Variants in ABLIM3 observed in about 807,000 individuals in gnomAD.
The protein encoded by ABLIM3 is actin-binding LIM protein 3.
In ABLIM3, 61 loss-of-function variants were observed where a neutral mutation model predicts 109.5. That is an observed-to-expected ratio of 0.56 (90% CI 0.45 to 0.69). ABLIM3 has a LOEUF of 0.69. ABLIM3 is among the 30% of genes least tolerant of loss of function. The pLI is 0.00. For missense variants in ABLIM3, 796 were observed against 889.5 expected, an observed-to-expected ratio of 0.89 and a Z score of 1.34; for synonymous variants, 300 against 324.8, an observed-to-expected ratio of 0.92 and a Z score of 0.82.
intron 2 of ABLIM3, among the ~76,000 whole-genome samples, chr5:149,167,414 G>C (rs570961072): frequency 1.8e-4 from 28 of 152,260 alleles, no homozygotes; most frequent in African/African-American, 6.5e-4. Context: ...TAAAACTTAA[G>C]AGTACAGAGG....
intron 2 of ABLIM3, among the ~76,000 whole-genome samples, chr5:149,175,684 T>C (rs1382444727): frequency 6.6e-6 from 1 of 152,112 alleles, no homozygotes; most frequent in African/African-American, 2.4e-5. Context: ...AGTTGAAATA[T>C]AAGAAATAAA....
At chr5:149,164,778 G>A (rs1163468480) in intron 2 of ABLIM3, among the ~76,000 whole-genome samples, 1 of 152,196 alleles carries the variant, frequency 6.6e-6, no homozygotes, top group Admixed American at 6.5e-5. Context: ...TTGCATATGA[G>A]ATAGGCCTTG....
At chr5:149,239,930 G>A (rs761905467) in intron 13 of ABLIM3, 42 bp downstream of exon 13, 2 of 1,569,464 alleles carry the variant, frequency 1.3e-6, no homozygotes, top group South Asian at 2.4e-5. Context: ...AAGAGCCAGG[G>A]AGACAATGCA....
chr5:149,183,409 G>A, intron 2 of ABLIM3, 43 bp from the exon 3 acceptor site: 1 of 1,471,038 alleles, frequency 6.8e-7, no homozygotes, highest in South Asian at 1.4e-5. Context: ...ACTTTGTAAA[G>A]AATCAGGGCC....
At chr5:149,194,416 A>T (rs75777614) in intron 3 of ABLIM3, among the ~76,000 whole-genome samples, 9,408 of 152,262 alleles carry the variant, frequency 0.062, 699 homozygotes, top group African/African-American at 0.17. Context: ...CAGTGGGAAC[A>T]GCTGGTGGGA....
chr5:149,206,603 G>A (rs1758999794), intron 5 of ABLIM3, among the ~76,000 whole-genome samples: 1 of 152,188 alleles, frequency 6.6e-6, no homozygotes, highest in Admixed American at 6.5e-5. Flanking sequence ...CGGAGGTCTT[G>A]TTAAAATTCA....
At chr5:149,150,316 A>C (rs1168284054) in intron 2 of ABLIM3, among the ~76,000 whole-genome samples, 1 of 152,192 alleles carries the variant, frequency 6.6e-6, no homozygotes, top group Non-Finnish European at 1.5e-5. Flanking sequence ...ACGCAGTAGG[A>C]TGCCCTCTCT....
Position 149,198,407 on chromosome 5 carries a change from G to A in ABLIM3, c.335+5G>A. ...CTTCGTGTGCAGCTTGTGCAGGTGA[G>A]TGGGCGACCAGCAGGGCCTGGGACC... On this transcript the variant is annotated splice_donor_5th_base_variant and intron_variant, in intron 4 of 23. Transcript: ENST00000309868. The surrounding 1 kb of genome is among the most constrained non-coding windows in gnomAD (Gnocchi z 4.2). 6.2e-7 allele frequency: 1 copy of A among 1,603,484 alleles called. No individual in the cohort carries two copies. The highest frequency in any genetic ancestry group is 8.5e-7 in the Non-Finnish European group (1 of 1,174,474).
At chr5:149,170,204 T>G (rs1240044226) in intron 2 of ABLIM3, among the ~76,000 whole-genome samples, 1 of 150,074 alleles carries the variant, frequency 6.7e-6, no homozygotes, top group African/African-American at 2.5e-5. Flanking sequence ...CAGACTTAAA[T>G]GATGCATTCA....
Position 149,177,588 on chromosome 5 carries a change from GA to G in ABLIM3, c.14-5863del, listed in dbSNP as rs1756058302. On this transcript the variant is annotated intron_variant, in intron 2 of 23. Transcript: ENST00000309868. ...ACCCATAAACAAAGAGACCTCCAGA[GA>G]TAGGGGGAGAAAGAAGAGGTTGCTT... is the stretch of plus-strand genomic sequence containing the variant. Among the ~76,000 whole-genome samples the G allele has an allele frequency of 2.6e-5, 4 of 152,324 alleles. No individual in the cohort carries two copies. In the South Asian group the frequency reaches 8.3e-4, roughly 32 times the overall value.
In ABLIM3 at chr5:149,239,261, T is replaced by C; in HGVS notation, c.1058T>C (p.Leu353Ser). The C allele has an allele frequency of 6.2e-7, 1 of 1,614,088 alleles. No individual in the cohort carries two copies. The highest frequency in any genetic ancestry group is 2.2e-5 in the East Asian group (1 of 44,876). The change falls in exon 12 of 24, where the codon TTA becomes TCA. Residue 353 changes from leucine (L) to serine (S), a missense_variant. Physicochemically the swap from Leu to Ser is moderately radical, Grantham distance 145. Transcript: ENST00000309868. The part of the protein sequence containing the change: ...RCGYGESLGT[L>S]SPYSQDIYEN... ...TTCACTTCTAAGTCGCTGGGAACAT[T>C]ATCTCCCTACTCCCAGGTAATTCAG... is the stretch of plus-strand genomic sequence containing the variant.
At chr5:149,243,075 G>T (rs530646960) in intron 15 of ABLIM3, among the ~76,000 whole-genome samples, 51 of 152,292 alleles carry the variant, frequency 3.3e-4, no homozygotes, top group African/African-American at 1.2e-3. Context: ...GATGAGTAAG[G>T]TTGCAGAGGG....
At chr5:149,177,754 G>A (rs1756074199) in intron 2 of ABLIM3, among the ~76,000 whole-genome samples, 1 of 152,236 alleles carries the variant, frequency 6.6e-6, no homozygotes, top group African/African-American at 2.4e-5. Context: ...GCTGATAGGG[G>A]TGATTTAGAA....
chr5:149,195,673 A>C (rs1226135787), intron 3 of ABLIM3, among the ~76,000 whole-genome samples: 1 of 152,200 alleles, frequency 6.6e-6, no homozygotes, highest in East Asian at 1.9e-4. Flanking sequence ...GTTGTAGGCC[A>C]TGACCTAATT....
At chr5:149,226,642 G>T (rs940113716) in intron 8 of ABLIM3, among the ~76,000 whole-genome samples, 20 of 152,144 alleles carry the variant, frequency 1.3e-4, no homozygotes, top group African/African-American at 4.8e-4. Context: ...AAAACCTTCA[G>T]ACTCAGAACT....
chr5:149,145,074 C>G (rs964517855), intron 2 of ABLIM3, among the ~76,000 whole-genome samples: 4 of 152,184 alleles, frequency 2.6e-5, no homozygotes, highest in Non-Finnish European at 4.4e-5. Flanking sequence ...TTGAGATACA[C>G]TTGATTCCAT....
At chr5:149,234,403 G>A (rs927082095) in intron 10 of ABLIM3, among the ~76,000 whole-genome samples, 1 of 152,120 alleles carries the variant, frequency 6.6e-6, no homozygotes, top group African/African-American at 2.4e-5. Flanking sequence ...ACCCATTCCT[G>A]ACAAGAAGCT....
chr5:149,162,061 T>G (rs1002619726), intron 2 of ABLIM3, among the ~76,000 whole-genome samples: 1 of 152,200 alleles, frequency 6.6e-6, no homozygotes, highest in Non-Finnish European at 1.5e-5. Context: ...CCTCACCTGA[T>G]TCGTGGTTGG....
intron 5 of ABLIM3, among the ~76,000 whole-genome samples, chr5:149,205,772 A>G (rs1010073222): frequency 6.6e-6 from 1 of 152,148 alleles, no homozygotes; most frequent in African/African-American, 2.4e-5. Flanking sequence ...AACTTGTACT[A>G]AGGGATGTTA....
Sources: allele counts gnomAD v4.1 joint callset (sites outside exome capture counted in the v4.1 genomes callset), GRCh38; gene constraint gnomAD v4.1.1; non-coding constraint Gnocchi (gnomAD v3.1); transcripts MANE v1.5; gene names NCBI Gene and HGNC (gene_info 2026-07-23, HGNC 2026-07-21).